TNFRSF1B: variants seen among roughly 807,000 people sequenced by gnomAD.
The protein encoded by TNFRSF1B is TNF receptor superfamily member 1B.
In TNFRSF1B, 19 loss-of-function variants were observed where a neutral mutation model predicts 44.6. The ratio of observed to expected loss-of-function variants is 0.43; its 90% confidence interval spans 0.30 to 0.62. TNFRSF1B has a LOEUF of 0.62. Ranked by LOEUF, TNFRSF1B falls within the 20% of genes least tolerant of loss-of-function variation. TNFRSF1B has a pLI of 0.16. For synonymous variants in TNFRSF1B, 252 were observed against 261.1 expected, an observed-to-expected ratio of 0.97 and a Z score of 0.34; for missense variants, 541 against 619.9, an observed-to-expected ratio of 0.87 and a Z score of 1.35.
intron 1 of TNFRSF1B, among the ~76,000 whole-genome samples, chr1:12,181,506 T>C (rs1260762182): frequency 1.3e-5 from 2 of 151,930 alleles, no homozygotes; most frequent in African/African-American, 2.4e-5. Context: ...TCAGAGAAAG[T>C]CCATGACACC....
Position 12,166,999 on chromosome 1 carries a change from G to T in TNFRSF1B, c.-93G>T, listed in dbSNP as rs1638396732. On this transcript the variant is annotated 5_prime_UTR_variant, in exon 1 of 10. Coordinates refer to ENST00000376259, the MANE Select transcript of TNFRSF1B (RefSeq NM_001066.3). ...CGCGGGCTTTCGCTTTCAGTCGAGG[G>T]CTAGCGAGCGCAGCGGAGCCTGGAG... The T allele has an allele frequency of 9.9e-7, 1 of 1,006,396 alleles. No homozygotes were observed. Among genetic ancestry groups the T allele is most frequent in the Non-Finnish European group, 1.3e-6 (1 of 780,686 alleles). 62.3% of individuals were successfully genotyped at this position (1,006,396 alleles called of 1,614,324 possible). A position where few individuals can be genotyped will look rare whatever the true frequency, so the allele number is the denominator to read the frequency against.
rs1416244762 is a variant in TNFRSF1B, at chr1:12,207,001, C to A, written c.1367C>A (p.Ala456Asp). 21 of 1,590,402 alleles carry A rather than the reference C, an allele frequency of 1.3e-5. No individual in the cohort carries two copies. Among genetic ancestry groups the A allele is most frequent in the Non-Finnish European group, 1.7e-5 (20 of 1,163,180 alleles). ...CCCCTGCCCCTTGGAGTGCCTGATG[C>A]TGGGATGAAGCCCAGTTAACCAGGC... ...EKPLPLGVPD[A>D]GMKPS The change falls in exon 10 of 10, where the codon GCT becomes GAT. Residue 456 changes from alanine (A) to aspartate (D), a missense_variant. Transcript: ENST00000376259.
intron 1 of TNFRSF1B, among the ~76,000 whole-genome samples, chr1:12,183,708 C>G (rs200713749): frequency 8.7e-6 from 1 of 115,434 alleles, no homozygotes; most frequent in African/African-American, 3.0e-5. Flanking sequence ...ATCTATCTAT[C>G]TATTCTATCT....
chr1:12,191,979 A>G (rs1390797679), intron 4 of TNFRSF1B, 56 bp downstream of exon 4: 10 of 1,571,158 alleles, frequency 6.4e-6, no homozygotes, highest in Non-Finnish European at 8.6e-6. Flanking sequence ...CTTTGTAGAC[A>G]TCCTTGCAGT....
At position 12,207,530 on chromosome 1, in the gene TNFRSF1B, C is replaced by T. The variant is rs778345172; in HGVS notation, c.*510C>T. On this transcript the variant is annotated 3_prime_UTR_variant, in exon 10 of 10. Transcript: ENST00000376259. The stretch of plus-strand genomic sequence containing the variant: ...GTGCTTCAGCCTGAGGCTGAGACTG[C>T]GGGATGGTCCTGGGGCTCTGTGCAG... 23 of 154,584 alleles carry T rather than the reference C, an allele frequency of 1.5e-4. No homozygotes were observed. Among genetic ancestry groups the T allele is most frequent in the Non-Finnish European group, 3.0e-4 (21 of 69,796 alleles). 9.6% of individuals were successfully genotyped at this position (154,584 alleles called of 1,614,324 possible).
chr1:12,196,732 C>A (rs1013959417), intron 8 of TNFRSF1B, among the ~76,000 whole-genome samples: 1 of 152,330 alleles, frequency 6.6e-6, no homozygotes, highest in East Asian at 1.9e-4. Flanking sequence ...CATTCCCCGG[C>A]GAGCGAGTTT....
rs1323242026 is a variant in TNFRSF1B, at chr1:12,177,335, C to T, written c.78+10166C>T. On this transcript the variant is annotated intron_variant, in intron 1 of 9. Transcript: ENST00000376259. This position sits in a 1 kb window ranked among gnomAD's most constrained non-coding sequence, Gnocchi z 4.3. The stretch of plus-strand genomic sequence containing the variant: ...GTGGACTGATTCTGGTCAGTGTCAA[C>T]CCCATTTGTCCCTGGAGCTTTTGCA... Among the ~76,000 whole-genome samples the T allele has an allele frequency of 6.6e-6, 1 of 152,148 alleles. No individual in the cohort carries two copies. The highest frequency in any genetic ancestry group is 1.5e-5 in the Non-Finnish European group (1 of 68,008).
rs56695784 is a variant in TNFRSF1B at position 12,174,148 on chromosome 1, T to TCTCCTTCTCCTTCTC, written c.78+6981_78+6982insCCTTCTCCTTCTCCT. Among the ~76,000 whole-genome samples the TCTCCTTCTCCTTCTC allele has an allele frequency of 1.5e-4, 12 of 81,934 alleles. 1 individual carries two copies. The highest frequency in any genetic ancestry group is 8.7e-4 in the South Asian group (2 of 2,298). 53.8% of individuals were successfully genotyped at this position (81,934 alleles called of 152,430 possible). A position where few individuals can be genotyped will look rare whatever the true frequency, so the allele number is the denominator to read the frequency against. ...TTCTTCTTCTTCTTCTTCTTCTTCT[T>TCTCCTTCTCCTTCTC]CTTCTTCTTCTTCTTCTCCTTCTCC... On this transcript the variant is annotated intron_variant, in intron 1 of 9. Transcript: ENST00000376259.
chr1:12,171,807 G>A lies in TNFRSF1B; in HGVS notation c.78+4638G>A, dbSNP rs551903755. Among the ~76,000 whole-genome samples, 3 of 152,320 alleles carry A rather than the reference G, an allele frequency of 2.0e-5. No homozygotes were observed. The highest frequency in any genetic ancestry group is 4.8e-5 in the African/African-American group (2 of 41,570). ...CAGATATTGCTAAGTGTCCTTTGGG[G>A]TTGGGGGATTGCCCCTGATTGAGAA... On this transcript the variant is annotated intron_variant, in intron 1 of 9. Coordinates refer to ENST00000376259, the MANE Select transcript of TNFRSF1B (RefSeq NM_001066.3). This position sits in a 1 kb window ranked among gnomAD's most constrained non-coding sequence, Gnocchi z 4.5.
chr1:12,190,131 C>A (rs5746012), intron 2 of TNFRSF1B, among the ~76,000 whole-genome samples: 3,372 of 152,208 alleles, frequency 0.022, 47 homozygotes, highest in Non-Finnish European at 0.035. Flanking sequence ...TACCTGTCAC[C>A]GTCCCTAGCC....
chr1:12,176,318 T>C (rs1638655893), intron 1 of TNFRSF1B, among the ~76,000 whole-genome samples: 1 of 152,186 alleles, frequency 6.6e-6, no homozygotes, highest in South Asian at 2.1e-4. Flanking sequence ...TTGGGGACAG[T>C]GACAGCAGCA....
intron 8 of TNFRSF1B, among the ~76,000 whole-genome samples, chr1:12,198,689 C>CTTTTTTTTTTTTTT (rs1324757848): frequency 2.3e-5 from 1 of 44,118 alleles, no homozygotes; most frequent in African/African-American, 9.2e-5. Flanking sequence ...GGCTGGAATT[C>CTTTTTTTTTTTTTT]TGTTTTTTTT....
chr1:12,204,166 T>C (rs17886043), intron 9 of TNFRSF1B, among the ~76,000 whole-genome samples: 6,609 of 152,098 alleles, frequency 0.043, 193 homozygotes, highest in Middle Eastern at 0.058. Flanking sequence ...CCAGCCCGTG[T>C]CCCTGGCCTC....
chr1:12,184,345 A>ATTTT (rs544768786), intron 1 of TNFRSF1B, among the ~76,000 whole-genome samples: 2 of 139,842 alleles, frequency 1.4e-5, no homozygotes, highest in East Asian at 4.1e-4. Context: ...AAGGCTGTGG[A>ATTTT]TTTTTTTTTT....
chr1:12,167,562 G>C (rs1388011349), intron 1 of TNFRSF1B: 1 of 338,926 alleles, frequency 3.0e-6, no homozygotes, highest in Non-Finnish European at 5.7e-6. Context: ...CCTCCCACGC[G>C]GTGGAGAAGG....
Position 12,188,808 on chromosome 1 carries a change from C to T in TNFRSF1B, c.91C>T (p.Pro31Ser). The change falls in exon 2 of 10, where the codon CCC (proline) becomes TCC (serine). Residue 31 changes from proline (P) to serine (S), a missense_variant. Physicochemically the swap from Pro to Ser is moderately conservative, Grantham distance 74. Coordinates refer to ENST00000376259, the MANE Select transcript of TNFRSF1B (RefSeq NM_001066.3). Reference sequence around the variant, plus strand: ...TTCTTCCTTCCAGGTGGCATTTACACCCTACGCCCCGGAGCCCGGGAGCAC... The same window carrying T: ...TTCTTCCTTCCAGGTGGCATTTACATCCTACGCCCCGGAGCCCGGGAGCAC... ...HALPAQVAFT[P>S]YAPEPGSTCR... is the part of the protein sequence containing the mutation. 6.2e-7 allele frequency: 1 copy of T among 1,613,774 alleles called. No individual in the cohort carries two copies. Among genetic ancestry groups the T allele is most frequent in the African/African-American group, 1.3e-5 (1 of 75,036 alleles).
rs747930689 is a variant in TNFRSF1B at position 12,192,846 on chromosome 1, GCCT to G, written c.552-5_552-3del. 28 of 1,603,714 alleles carry G rather than the reference GCCT, an allele frequency of 1.7e-5. No homozygotes were observed. The highest frequency in any genetic ancestry group is 2.4e-5 in the Non-Finnish European group (28 of 1,173,268). On this transcript the variant is annotated splice_polypyrimidine_tract_variant and intron_variant, in intron 5 of 9. Transcript: ENST00000376259. ...CTGTCCCCTGCTGCCTCCTGACCAAGCCTCCTCCTCCTCCAGCTGTAACGTGGT... is the reference window on the plus strand; with the variant it reads ...CTGTCCCCTGCTGCCTCCTGACCAAGCCTCCTCCTCCAGCTGTAACGTGGT...
rs913228756 is a variant in TNFRSF1B at position 12,199,443 on chromosome 1, G to A, written c.901-2524G>A. Among the ~76,000 whole-genome samples, 1 of 152,274 alleles carries A rather than the reference G, an allele frequency of 6.6e-6. No homozygotes were observed. The highest frequency in any genetic ancestry group is 1.5e-5 in the Non-Finnish European group (1 of 68,052). On this transcript the variant is annotated intron_variant, in intron 8 of 9. Coordinates refer to ENST00000376259, the MANE Select transcript of TNFRSF1B (RefSeq NM_001066.3). The surrounding 1 kb of genome is among the most constrained non-coding windows in gnomAD (Gnocchi z 4.0). ...CTTCTGCTCCTGCCACGGACCAGCT[G>A]TGTGATGCTGGGCACAGGATGCACT...
rs1639083480 is a variant in TNFRSF1B, at chr1:12,190,303, C to CA, written c.179-647dup. ...GTGGAACCCGTCTCTACTAAGAATA[C>CA]AAAAAAATAGCTGGGCATAATGGCA... On this transcript the variant is annotated intron_variant, in intron 2 of 9. Transcript: ENST00000376259. 2.0e-5 allele frequency among the ~76,000 whole-genome samples: 3 copies of CA among 151,612 alleles called. 1 individual carries two copies. Among genetic ancestry groups the CA allele is most frequent in the Middle Eastern group, 6.8e-3 (2 of 292 alleles).
Sources: allele counts gnomAD v4.1 joint callset (sites outside exome capture counted in the v4.1 genomes callset), GRCh38; gene constraint gnomAD v4.1.1; non-coding constraint Gnocchi (gnomAD v3.1); transcripts MANE v1.5; gene names NCBI Gene and HGNC (gene_info 2026-07-23, HGNC 2026-07-21).